FAT3: variants seen among roughly 807,000 people sequenced by gnomAD.
The protein encoded by FAT3 is protocadherin Fat 3.
A neutral mutation model predicts 310.2 loss-of-function variants in FAT3; 95 were observed. That is an observed-to-expected ratio of 0.31 (90% CI 0.26 to 0.36). FAT3 has a LOEUF of 0.36. Among genes scored for constraint, FAT3 ranks in the 10% least tolerant of loss-of-function variants. The pLI is 1.00. For missense variants in FAT3, 5,408 were observed against 5,715.6 expected (o/e 0.95, Z 1.74); for synonymous variants, 2,314 against 2,192.9 (o/e 1.06, Z -1.54).
At chr11:92,609,817 T>C (rs1446934369) in intron 3 of FAT3, among the ~76,000 whole-genome samples, 1 of 152,192 alleles carries the variant, frequency 6.6e-6, no homozygotes, top group African/African-American at 2.4e-5. Flanking sequence ...GCTTGGAAGC[T>C]GTATCATATA....
chr11:92,595,067 G>A (rs1225061476), intron 3 of FAT3, among the ~76,000 whole-genome samples: 1 of 151,928 alleles, frequency 6.6e-6, no homozygotes, highest in East Asian at 1.9e-4. Context: ...TGATGCCCAT[G>A]TGTACTCCAC....
At chr11:92,526,725 T>G (rs1284116184) in intron 3 of FAT3, among the ~76,000 whole-genome samples, 1 of 152,208 alleles carries the variant, frequency 6.6e-6, no homozygotes, top group Non-Finnish European at 1.5e-5. Flanking sequence ...TTTATCACTA[T>G]TTGGCCTACG....
chr11:92,834,876 T>A lies in FAT3; in HGVS notation c.9878T>A (p.Ile3293Asn), dbSNP rs1377502239. The A allele has an allele frequency of 6.2e-7, 1 of 1,606,828 alleles. No individual in the cohort carries two copies. Among genetic ancestry groups the A allele is most frequent in the Admixed American group, 1.7e-5 (1 of 59,192 alleles). ...TCCCCATTTTTCTTCAAAGGGGGTA[T>A]TTCTGTCTCTGAAGTCCTGGACTAT... Reference protein sequence around the residue: ...KFKINPKTGGISVSEVLDYEL... With the variant: ...KFKINPKTGGNSVSEVLDYEL... Residue 3293 changes from isoleucine to asparagine, a missense_variant, in exon 15 of 28, where the codon ATT (isoleucine) becomes AAT (asparagine). Coordinates refer to ENST00000525166, the MANE Select transcript of FAT3 (RefSeq NM_001367949.2).
At chr11:92,360,258 T>A (rs1948845478) in intron 2 of FAT3, among the ~76,000 whole-genome samples, 1 of 152,246 alleles carries the variant, frequency 6.6e-6, no homozygotes, top group Non-Finnish European at 1.5e-5. Context: ...CCATTCACAA[T>A]TGCTTCAAAG....
chr11:92,467,435 C>T (rs1951792765), intron 2 of FAT3, among the ~76,000 whole-genome samples: 1 of 152,136 alleles, frequency 6.6e-6, no homozygotes, highest in African/African-American at 2.4e-5. Flanking sequence ...GGGGACTCTA[C>T]TTATTATCTT....
At chr11:92,559,491 AC>A in intron 3 of FAT3, 1 of 367,266 alleles carries the variant, frequency 2.7e-6, no homozygotes, top group South Asian at 2.0e-5. Flanking sequence ...TTCAAGGGAT[AC>A]CCCTGCCTCA....
intron 4 of FAT3, among the ~76,000 whole-genome samples, chr11:92,759,553 T>C (rs547240544): frequency 3.3e-5 from 5 of 152,124 alleles, no homozygotes; most frequent in African/African-American, 1.2e-4. Context: ...ACAGAAAGGA[T>C]AGGGACAGCT....
At chr11:92,444,677 T>G (rs982140119) in intron 2 of FAT3, among the ~76,000 whole-genome samples, 1 of 136,138 alleles carries the variant, frequency 7.3e-6, no homozygotes, top group Non-Finnish European at 1.6e-5. Context: ...GGGGAAAACA[T>G]ACAGTTTATA....
chr11:92,273,594 A>G (rs984849867), intron 1 of FAT3, among the ~76,000 whole-genome samples: 1 of 152,148 alleles, frequency 6.6e-6, no homozygotes, highest in African/African-American at 2.4e-5. Context: ...AAGCTGGCAA[A>G]TGAAGTTGTT....
At chr11:92,379,550 G>A (rs1036964017) in intron 2 of FAT3, among the ~76,000 whole-genome samples, 4 of 152,156 alleles carry the variant, frequency 2.6e-5, no homozygotes, top group Non-Finnish European at 4.4e-5. Context: ...CTGTTGGATT[G>A]TAGATGAGAA....
chr11:92,547,019 G>C (rs1403450564), intron 3 of FAT3, among the ~76,000 whole-genome samples: 2 of 152,188 alleles, frequency 1.3e-5, no homozygotes, highest in East Asian at 1.9e-4. Context: ...GGTCTCTTTA[G>C]ATCAAGGGTC....
chr11:92,504,464 T>C (rs1347488554), intron 2 of FAT3, among the ~76,000 whole-genome samples: 1 of 152,160 alleles, frequency 6.6e-6, no homozygotes, highest in East Asian at 1.9e-4. Context: ...GGGTTTAATA[T>C]TGGTTCTCTG....
chr11:92,868,205 T>G (rs1949296004), intron 22 of FAT3, among the ~76,000 whole-genome samples: 2 of 152,358 alleles, frequency 1.3e-5, no homozygotes, highest in South Asian at 4.1e-4. Context: ...TACCATCTAA[T>G]GTTCGTGAAA....
chr11:92,315,981 C>G (rs1337410766), intron 1 of FAT3, among the ~76,000 whole-genome samples: 2 of 151,762 alleles, frequency 1.3e-5, no homozygotes, highest in African/African-American at 4.8e-5. Flanking sequence ...GCATTGATCT[C>G]AAGTGAAATG....
chr11:92,411,451 T>C (rs1950266544), intron 2 of FAT3, among the ~76,000 whole-genome samples: 1 of 152,052 alleles, frequency 6.6e-6, no homozygotes, highest in Non-Finnish European at 1.5e-5. Context: ...TCATTGCTTC[T>C]GAAAGTGTGT....
chr11:92,547,330 T>C (rs1440285041), intron 3 of FAT3, among the ~76,000 whole-genome samples: 2 of 152,170 alleles, frequency 1.3e-5, no homozygotes, highest in Non-Finnish European at 1.5e-5. Flanking sequence ...CCCTGATTAT[T>C]ATACATGTTA....
At chr11:92,553,692 CCTTCCTTCCTTCCTTCCT>C (rs1437547617) in intron 3 of FAT3, among the ~76,000 whole-genome samples, 4 of 58,436 alleles carry the variant, frequency 6.8e-5, no homozygotes, top group East Asian at 7.4e-4. Flanking sequence ...TTCCTTCCTT[CCTTCCTTCCTTCCTTCCT>C]TCCTTCCTTC....
intron 3 of FAT3, among the ~76,000 whole-genome samples, chr11:92,538,938 A>G (rs974448313): frequency 3.3e-5 from 5 of 152,126 alleles, no homozygotes; most frequent in African/African-American, 1.2e-4. Context: ...ACAGACTATT[A>G]AAGGCAGAAA....
chr11:92,608,341 G>T (rs543160), intron 3 of FAT3, among the ~76,000 whole-genome samples: 85,331 of 151,964 alleles, frequency 0.56, 25,377 homozygotes, highest in African/African-American at 0.76. Context: ...CAATGCTCAG[G>T]TAATTTACTT....
Sources: allele counts gnomAD v4.1 joint callset (sites outside exome capture counted in the v4.1 genomes callset), GRCh38; gene constraint gnomAD v4.1.1; transcripts MANE v1.5; gene names NCBI Gene and HGNC (gene_info 2026-07-23, HGNC 2026-07-21).